RBFOX1: variants seen among roughly 807,000 people sequenced by gnomAD.
The protein encoded by RBFOX1 is RNA binding protein fox-1 homolog 1.
RBFOX1 carries 8 observed loss-of-function variants against 57.7 expected under a neutral mutation model. The observed-to-expected ratio is 0.14, with a 90% CI of 0.08 to 0.25. RBFOX1 has a LOEUF of 0.25. RBFOX1 is among the 10% of genes least tolerant of loss of function. The probability of loss-of-function intolerance (pLI) is 1.00; values close to 1 mark genes in which losing one functional copy is unlikely to be tolerated. For synonymous variants in RBFOX1, 326 were observed against 222.4 expected, an observed-to-expected ratio of 1.47 and a Z score of -4.15; for missense variants, 611 against 548.5, an observed-to-expected ratio of 1.11 and a Z score of -1.14.
intron 1 of RBFOX1, among the ~76,000 whole-genome samples, chr16:6,281,883 A>G (rs1291314090): frequency 6.6e-5 from 10 of 152,236 alleles, no homozygotes; most frequent in Non-Finnish European, 1.2e-4. Context: ...AACCCAGGCA[A>G]TTTGACAAGG....
intron 4 of RBFOX1, among the ~76,000 whole-genome samples, chr16:7,146,406 TG>T (rs2074987572): frequency 6.6e-6 from 1 of 152,210 alleles, no homozygotes; most frequent in African/African-American, 2.4e-5. Context: ...CTGAACCAGC[TG>T]AACCCCTCGC....
intron 2 of RBFOX1, among the ~76,000 whole-genome samples, chr16:6,407,423 A>G (rs1025674292): frequency 2.6e-5 from 4 of 151,976 alleles, no homozygotes; most frequent in Non-Finnish European, 5.9e-5. Flanking sequence ...ATCTATGCTT[A>G]TATACTATCT....
chr16:7,181,333 C>T (rs1034131500), intron 4 of RBFOX1, among the ~76,000 whole-genome samples: 1 of 152,136 alleles, frequency 6.6e-6, no homozygotes, highest in Non-Finnish European at 1.5e-5. Flanking sequence ...TCCTTCTCTG[C>T]CCTCTCCAAA....
intron 2 of RBFOX1, among the ~76,000 whole-genome samples, chr16:6,590,268 C>G (rs1007357175): frequency 6.6e-6 from 1 of 152,136 alleles, no homozygotes; most frequent in Non-Finnish European, 1.5e-5. Flanking sequence ...AGAAATTGTA[C>G]TTTTCTCCCC....
At chr16:7,067,790 A>AT (rs552302404) in intron 4 of RBFOX1, among the ~76,000 whole-genome samples, 103 of 145,592 alleles carry the variant, frequency 7.1e-4, no homozygotes, top group African/African-American at 2.5e-3. Flanking sequence ...GTGTTGTTTG[A>AT]TTTTTTGTCC....
At chr16:5,562,854 A>G (rs1008608533) in intron 2 of RBFOX1, among the ~76,000 whole-genome samples, 7 of 152,310 alleles carry the variant, frequency 4.6e-5, no homozygotes, top group South Asian at 2.1e-4. Flanking sequence ...TCTGCTAACC[A>G]TAAACCTGTG....
At chr16:6,450,828 T>TATATATAC (rs2094595500) in intron 2 of RBFOX1, among the ~76,000 whole-genome samples, 1 of 27,388 alleles carries the variant, frequency 3.7e-5, no homozygotes. Flanking sequence ...CATATATATA[T>TATATATAC]ATATATATGT....
At chr16:6,371,268 T>C (rs1600224164) in intron 2 of RBFOX1, among the ~76,000 whole-genome samples, 2 of 152,330 alleles carry the variant, frequency 1.3e-5, no homozygotes, top group African/African-American at 4.8e-5. Flanking sequence ...TGATGATTCT[T>C]GTCTGAGTCA....
chr16:5,446,273 C>T (rs532498924), intron 1 of RBFOX1, among the ~76,000 whole-genome samples: 6 of 152,030 alleles, frequency 3.9e-5, no homozygotes, highest in Non-Finnish European at 5.9e-5. Context: ...GGCAAAACAT[C>T]AGGAATGGTG....
At chr16:5,380,838 G>C (rs190523983) in intron 1 of RBFOX1, among the ~76,000 whole-genome samples, 30 of 152,320 alleles carry the variant, frequency 2.0e-4, no homozygotes, top group Admixed American at 7.8e-4. Context: ...TATATAACTT[G>C]AATATTTTAT....
chr16:5,585,553 C>T (rs938893530), intron 2 of RBFOX1, among the ~76,000 whole-genome samples: 1 of 152,166 alleles, frequency 6.6e-6, no homozygotes, highest in Non-Finnish European at 1.5e-5. Context: ...ATTGACTTAC[C>T]TCTGTGGAGA....
chr16:7,659,118 C>A (rs545540677), intron 12 of RBFOX1, among the ~76,000 whole-genome samples: 1 of 152,142 alleles, frequency 6.6e-6, no homozygotes, highest in Non-Finnish European at 1.5e-5. Context: ...GATTTTCTGC[C>A]CTTTCTCAGG....
chr16:5,855,111 A>G lies in RBFOX1; in HGVS notation c.319-12192A>G, dbSNP rs763735185. Among the ~76,000 whole-genome samples, 124 of 152,284 alleles carry G rather than the reference A, an allele frequency of 8.1e-4. 1 individual carries two copies. The highest frequency in any genetic ancestry group is 6.8e-3 in the Middle Eastern group (2 of 294). ...CTGTTGAGTTGTTTGAGTGCCTCAT[A>G]TATTTTGAATATTATCCCCTTATTA... On this transcript the variant is annotated intron_variant, in intron 3 of 19. Coordinates refer to the RBFOX1 transcript ENST00000641259.
chr16:7,153,866 T>C (rs1051204371), intron 4 of RBFOX1, among the ~76,000 whole-genome samples: 1 of 152,112 alleles, frequency 6.6e-6, no homozygotes, highest in South Asian at 2.1e-4. Context: ...TTGTTCTTGA[T>C]ACCAGGCAGG....
intron 4 of RBFOX1, among the ~76,000 whole-genome samples, chr16:5,982,505 A>T (rs563674171): frequency 6.6e-5 from 10 of 151,938 alleles, no homozygotes; most frequent in Non-Finnish European, 8.8e-5. Context: ...TGAACTCCTG[A>T]CCTCAGGTGA....
At chr16:6,743,281 C>A (rs1413615387) in intron 3 of RBFOX1, among the ~76,000 whole-genome samples, 2 of 151,908 alleles carry the variant, frequency 1.3e-5, no homozygotes, top group African/African-American at 4.8e-5. Context: ...AAAGTTGGGA[C>A]AAATGAAAAA....
At chr16:5,954,093 T>C (rs937517141) in intron 4 of RBFOX1, among the ~76,000 whole-genome samples, 2 of 152,222 alleles carry the variant, frequency 1.3e-5, no homozygotes, top group African/African-American at 4.8e-5. Context: ...GACAGCCCCC[T>C]GCCATCGAGA....
intron 4 of RBFOX1, among the ~76,000 whole-genome samples, chr16:7,330,881 C>T (rs1458994508): frequency 6.6e-6 from 1 of 152,154 alleles, no homozygotes; most frequent in Non-Finnish European, 1.5e-5. Context: ...CACAGTGATG[C>T]TTCTGTCCTC....
intron 4 of RBFOX1, among the ~76,000 whole-genome samples, chr16:5,933,073 A>G (rs543379147): frequency 3.3e-5 from 5 of 152,350 alleles, no homozygotes; most frequent in Non-Finnish European, 7.4e-5. Context: ...GGGGCAGACA[A>G]ACAGCTCTGG....
Sources: allele counts gnomAD v4.1 joint callset (sites outside exome capture counted in the v4.1 genomes callset), GRCh38; gene constraint gnomAD v4.1.1; transcripts MANE v1.5; gene names NCBI Gene and HGNC (gene_info 2026-07-23, HGNC 2026-07-21).